Variants in CXCL12 observed in about 807,000 individuals in gnomAD.
CXCL12 encodes the protein C-X-C motif chemokine ligand 12.
Under a neutral mutation model 10.7 loss-of-function variants are expected in CXCL12, and 4 were observed. The ratio of observed to expected loss-of-function variants is 0.37; its 90% CI spans 0.18 to 0.86. CXCL12 has a LOEUF of 0.86. Among genes scored for constraint, CXCL12 ranks in the 40% least tolerant of loss-of-function variants. CXCL12 has a pLI of 0.43. For synonymous variants in CXCL12, 54 were observed against 45.4 expected, an observed-to-expected ratio of 1.19 and a Z score of -0.77; for missense variants, 122 against 110.4, an observed-to-expected ratio of 1.10 and a Z score of -0.47.
chr10:44,377,902 C>G lies in CXCL12; in HGVS notation c.*731G>C. The G allele has an allele frequency of 6.4e-7, 1 of 1,561,396 alleles. No individual in the cohort carries two copies. The highest frequency in any genetic ancestry group is 8.6e-7 in the Non-Finnish European group (1 of 1,162,142). On this transcript the variant is annotated 3_prime_UTR_variant, in exon 3 of 3. Coordinates refer to ENST00000343575, the MANE Select transcript of CXCL12 (RefSeq NM_199168.4). ...TCTTCCCGGCTGGTGCGGCGCTGAT[C>G]AGGCTACAGAAATGAGAAGCAGAAG...
In CXCL12 at chr10:44,385,096, G is replaced by A. The variant is rs1839771071; in HGVS notation, c.-91C>T. ...GCGGCTGACGGAGAGTGAAAGTGCG[G>A]CGGTGGGAGGCGCGCGCCGGGCGCT... On this transcript the variant is annotated 5_prime_UTR_variant, in exon 1 of 3. Coordinates refer to ENST00000343575, the MANE Select transcript of CXCL12 (RefSeq NM_199168.4). 2.0e-6 allele frequency: 2 copies of A among 977,296 alleles called. No homozygotes were observed. Among genetic ancestry groups the A allele is most frequent in the Admixed American group, 3.8e-5 (1 of 26,376 alleles). The allele number at this position is 977,296 out of a possible 1,614,324, so 60.5% of individuals were successfully genotyped here. A position where few individuals can be genotyped will look rare whatever the true frequency, so the allele number is the denominator to read the frequency against.
chr10:44,374,771 T>C (rs1347416620), downstream of CXCL12: 1 of 433,106 alleles, frequency 2.3e-6, no homozygotes, highest in Non-Finnish European at 4.7e-6. Flanking sequence ...TCTGCATTTA[T>C]TAAAATTATG....
chr10:44,373,992 G>A (rs1328499191), downstream of CXCL12, among the ~76,000 whole-genome samples: 2 of 152,156 alleles, frequency 1.3e-5, no homozygotes, highest in East Asian at 1.9e-4. Flanking sequence ...CTTCCACGGC[G>A]ACCCTGTCTT....
At chr10:44,384,263 A>G (rs7093481) in intron 1 of CXCL12, among the ~76,000 whole-genome samples, 39,412 of 151,980 alleles carry the variant, frequency 0.26, 5,329 homozygotes, top group Non-Finnish European at 0.31. Flanking sequence ...AGACAGGAAG[A>G]CAGCGGCTGG....
downstream of CXCL12, chr10:44,372,807 C>T (rs567082819): frequency 2.9e-4 from 423 of 1,472,462 alleles, 2 homozygotes; most frequent in African/African-American, 5.3e-3. Flanking sequence ...AAGAGGCAGA[C>T]CCGGCTCCCA....
Position 44,384,854 on chromosome 10 carries a change from C to G in CXCL12, c.61+91G>C, listed in dbSNP as rs1378902875. ...CCCCCACTGTGTCGGGCGGCGCAAACTGCGGGCGCAGGCAGAGGAGCCGCG... is the reference window on the plus strand; with the variant it reads ...CCCCCACTGTGTCGGGCGGCGCAAAGTGCGGGCGCAGGCAGAGGAGCCGCG... On this transcript the variant is annotated intron_variant, in intron 1 of 2. Transcript: ENST00000343575. The G allele has an allele frequency of 6.7e-6, 9 of 1,338,160 alleles. No individual in the cohort carries two copies. The East Asian group carries it at 1.9e-4, about 28-fold the overall frequency. 82.9% of individuals were successfully genotyped at this position (1,338,160 alleles called of 1,614,324 possible).
chr10:44,380,710 T>C, intron 2 of CXCL12, 53 bp downstream of exon 2: 3 of 1,439,176 alleles, frequency 2.1e-6, no homozygotes, highest in Middle Eastern at 1.7e-4. Context: ...GATGTTACTA[T>C]GTTCGTTAGA....
At chr10:44,375,810 G>GC (rs1363218549), downstream of CXCL12, 11 of 1,510,412 alleles carry the variant, frequency 7.3e-6, no homozygotes, top group East Asian at 2.3e-4. Flanking sequence ...GGGCAGCAAA[G>GC]CACTGCTCCC....
chr10:44,372,924 C>A, downstream of CXCL12: 7 of 1,535,990 alleles, frequency 4.6e-6, no homozygotes, highest in Non-Finnish European at 6.1e-6. Flanking sequence ...CTGGCACCCC[C>A]AGGCGTCCCT....
In CXCL12 at chr10:44,381,007, T is replaced by A. The variant is rs17880358; in HGVS notation, c.62-127A>T. On this transcript the variant is annotated intron_variant, in intron 1 of 2. Transcript: ENST00000343575. ...CGGCATCACTGGGGTAAGTTCCAGG[T>A]TACTGGTGTATGTTGGGAAAGGCCA... 0.084 allele frequency: 67,139 copies of A among 794,560 alleles called. 3,159 individuals carry two copies. Among genetic ancestry groups the A allele is most frequent in the East Asian group, 0.1 (4,118 of 40,870 alleles). 49.2% of individuals were successfully genotyped at this position (794,560 alleles called of 1,614,324 possible).
intron 1 of CXCL12, among the ~76,000 whole-genome samples, chr10:44,383,540 C>T (rs1839698009): frequency 7.1e-6 from 1 of 141,248 alleles, no homozygotes; most frequent in African/African-American, 2.7e-5. Flanking sequence ...AATAACTGCC[C>T]AAACCAGAGA....
rs200544719 is a variant in CXCL12 at position 44,378,544 on chromosome 10, C to T, written c.*89G>A. ...CACCTGGTCCTCATGGTTAAGGCCCCCTCCCCCACGTCTTTGCCCTTTCAT... is the reference window on the plus strand; with the variant it reads ...CACCTGGTCCTCATGGTTAAGGCCCTCTCCCCCACGTCTTTGCCCTTTCAT... On this transcript the variant is annotated 3_prime_UTR_variant, in exon 3 of 3. Transcript: ENST00000343575. The T allele has an allele frequency of 1.9e-6, 3 of 1,596,780 alleles. No homozygotes were observed. The highest frequency in any genetic ancestry group is 1.7e-6 in the Non-Finnish European group (2 of 1,170,164).
At chr10:44,373,722 G>A (rs904149678), downstream of CXCL12, among the ~76,000 whole-genome samples, 5 of 152,132 alleles carry the variant, frequency 3.3e-5, no homozygotes, top group African/African-American at 1.2e-4. Flanking sequence ...TCCTGGCCTC[G>A]GCTGTCCCAA....
In CXCL12 at chr10:44,378,313, T is replaced by TC. The variant is rs558625500; in HGVS notation, c.*319dup. 169 of 1,478,694 alleles carry TC rather than the reference T, an allele frequency of 1.1e-4. 2 individuals carry two copies. In the South Asian group the frequency reaches 1.8e-3, roughly 16 times the overall value. 91.6% of individuals were successfully genotyped at this position (1,478,694 alleles called of 1,614,324 possible). ...ATGAGAATGATGATGATTGTGATGA[T>TC]CATGAAGGAACTAACTGCTTGAAAA... On this transcript the variant is annotated 3_prime_UTR_variant, in exon 3 of 3. Coordinates refer to ENST00000343575, the MANE Select transcript of CXCL12 (RefSeq NM_199168.4).
At chr10:44,378,955 A>T (rs1448031483) in intron 2 of CXCL12, among the ~76,000 whole-genome samples, 2 of 152,190 alleles carry the variant, frequency 1.3e-5, no homozygotes, top group Non-Finnish European at 2.9e-5. Context: ...TTTCCGGGGC[A>T]GTGCAGGGGA....
chr10:44,385,076 T>A lies in CXCL12; in HGVS notation c.-71A>T. On this transcript the variant is annotated 5_prime_UTR_variant, in exon 1 of 3. Coordinates refer to ENST00000343575, the MANE Select transcript of CXCL12 (RefSeq NM_199168.4). ...CCGGACGCCGAGCGGGCAATGCGGC[T>A]GACGGAGAGTGAAAGTGCGGCGGTG... is the stretch of plus-strand genomic sequence containing the variant. 9 of 1,186,198 alleles carry A rather than the reference T, an allele frequency of 7.6e-6. No homozygotes were observed. The highest frequency in any genetic ancestry group is 1.0e-5 in the Non-Finnish European group (9 of 883,046). 73.5% of individuals were successfully genotyped at this position (1,186,198 alleles called of 1,614,324 possible).
downstream of CXCL12, chr10:44,373,181 G>A (rs955910716): frequency 3.2e-6 from 5 of 1,539,398 alleles, no homozygotes; most frequent in African/African-American, 6.9e-5. Context: ...ATAATCAAAT[G>A]GTGAAAATAT....
At chr10:44,372,526 T>A (rs764982630), downstream of CXCL12, 41 of 698,598 alleles carry the variant, frequency 5.9e-5, no homozygotes, top group Non-Finnish European at 7.2e-5. Context: ...TGGACAATAT[T>A]CCAAACAAGA....
Position 44,377,832 on chromosome 10 carries a change from C to T in CXCL12, c.*801G>A, listed in dbSNP as rs535498902. The T allele has an allele frequency of 1.9e-6, 3 of 1,595,520 alleles. No individual in the cohort carries two copies. The highest frequency in any genetic ancestry group is 4.5e-5 in the East Asian group (2 of 44,790). On this transcript the variant is annotated 3_prime_UTR_variant, in exon 3 of 3. Transcript: ENST00000343575. The stretch of plus-strand genomic sequence containing the variant: ...CAGAGGGCCCGAGCTGTGGGGCAGG[C>T]CCTGGGAGGAGAGGGATGCAGGGCA...
Sources: allele counts gnomAD v4.1 joint callset (sites outside exome capture counted in the v4.1 genomes callset), GRCh38; gene constraint gnomAD v4.1.1; transcripts MANE v1.5; gene names NCBI Gene and HGNC (gene_info 2026-07-23, HGNC 2026-07-21).